Variants in DGKB observed in about 807,000 individuals in gnomAD.
The protein encoded by DGKB is 90 kDa diacylglycerol kinase.
A neutral mutation model predicts 114.3 loss-of-function variants in DGKB; 67 were observed. That is an observed-to-expected ratio of 0.59 (90% CI 0.48 to 0.72). The LOEUF (loss-of-function observed/expected upper bound fraction) is 0.72. Ranked by LOEUF, DGKB falls within the 30% of genes least tolerant of loss-of-function variation. The probability of loss-of-function intolerance (pLI) is 0.00; values close to 1 mark genes in which losing one functional copy is unlikely to be tolerated. For missense variants in DGKB, 907 were observed against 975.2 expected (o/e 0.93, Z 0.93); for synonymous variants, 398 against 323.1 (o/e 1.23, Z -2.49).
intron 20 of DGKB, among the ~76,000 whole-genome samples, chr7:14,478,532 G>T (rs925540826): frequency 6.6e-6 from 1 of 151,966 alleles, no homozygotes; most frequent in Admixed American, 6.6e-5. Context: ...CATGTTCAAC[G>T]TATGTTGAAG....
chr7:14,808,390 A>C (rs1025460292), intron 2 of DGKB, among the ~76,000 whole-genome samples: 1 of 152,070 alleles, frequency 6.6e-6, no homozygotes, highest in African/African-American at 2.4e-5. Flanking sequence ...AAAATATCCC[A>C]AACTATTCAA....
intron 2 of DGKB, among the ~76,000 whole-genome samples, chr7:14,790,491 C>T (rs1840516184): frequency 7.8e-6 from 1 of 128,020 alleles, no homozygotes; most frequent in African/African-American, 3.7e-5. Context: ...AATTTAGGCT[C>T]ATTTTTTTTG....
chr7:14,352,233 C>T (rs1288555276), intron 21 of DGKB, among the ~76,000 whole-genome samples: 1 of 152,026 alleles, frequency 6.6e-6, no homozygotes, highest in Non-Finnish European at 1.5e-5. Context: ...ATTACTTTTA[C>T]AGGACTAAAG....
intron 2 of DGKB, among the ~76,000 whole-genome samples, chr7:14,826,040 A>G (rs1054929497): frequency 6.6e-6 from 1 of 152,124 alleles, no homozygotes; most frequent in African/African-American, 2.4e-5. Flanking sequence ...CTGCTGCCTG[A>G]GGCAGCCTAT....
At chr7:14,512,705 T>C (rs1002183844) in intron 20 of DGKB, among the ~76,000 whole-genome samples, 3 of 152,206 alleles carry the variant, frequency 2.0e-5, no homozygotes, top group South Asian at 4.1e-4. Flanking sequence ...AACACCTTTT[T>C]TTCTCTACTA....
At chr7:14,591,516 G>T (rs1218697900) in intron 17 of DGKB, among the ~76,000 whole-genome samples, 1 of 151,944 alleles carries the variant, frequency 6.6e-6, no homozygotes, top group African/African-American at 2.4e-5. Flanking sequence ...TATTATTTGG[G>T]TTTAGCAGCC....
rs79057115 is a variant in DGKB, at chr7:14,974,253, G to A, written c.-188+443C>T. On this transcript the variant is annotated intron_variant, in intron 1 of 4. Coordinates refer to the DGKB transcript ENST00000437998. The stretch of plus-strand genomic sequence containing the variant: ...TTGTGATGACTAATATTTTCTTTCT[G>A]TGGTTATAACACACTGCGTTTATTT... 1.0e-2 allele frequency among the ~76,000 whole-genome samples: 1,518 copies of A among 152,108 alleles called. 12 individuals carry two copies. The highest frequency in any genetic ancestry group is 0.041 in the Middle Eastern group (12 of 294).
intron 20 of DGKB, among the ~76,000 whole-genome samples, chr7:14,569,242 A>G (rs1415383306): frequency 6.6e-6 from 1 of 152,106 alleles, no homozygotes; most frequent in African/African-American, 2.4e-5. Context: ...TCCTCTCTTT[A>G]TCCCCCTAAT....
At chr7:14,912,446 T>C (rs773005875) in intron 1 of DGKB, among the ~76,000 whole-genome samples, 11 of 151,728 alleles carry the variant, frequency 7.2e-5, no homozygotes, top group Non-Finnish European at 1.3e-4. Flanking sequence ...GAGGAATGAG[T>C]TCACTGGGGG....
intron 21 of DGKB, among the ~76,000 whole-genome samples, chr7:14,422,099 C>T (rs548073212): frequency 6.6e-6 from 1 of 151,950 alleles, no homozygotes; most frequent in Non-Finnish European, 1.5e-5. Flanking sequence ...CAACTAATCT[C>T]CTTTATCAAT....
At chr7:14,562,192 T>A (rs1036281266) in intron 20 of DGKB, among the ~76,000 whole-genome samples, 7 of 152,308 alleles carry the variant, frequency 4.6e-5, no homozygotes, top group African/African-American at 1.7e-4. Context: ...TGCAGGTACA[T>A]AGAAGTCAAG....
intron 2 of DGKB, among the ~76,000 whole-genome samples, chr7:14,831,356 A>G (rs1338523422): frequency 6.6e-6 from 1 of 152,018 alleles, no homozygotes; most frequent in African/African-American, 2.4e-5. Context: ...ATGTTTCTGT[A>G]CATTTCACAA....
In DGKB at chr7:14,345,322, T is replaced by A. The variant is rs1403299025; in HGVS notation, c.1905A>T (p.Leu635=). The A allele has an allele frequency of 3.2e-6, 5 of 1,542,114 alleles. No individual in the cohort carries two copies. The highest frequency in any genetic ancestry group is 4.4e-6 in the Non-Finnish European group (5 of 1,140,956). The stretch of plus-strand genomic sequence containing the variant: ...TTACTTCTATTTCTACAGATTCATG[T>A]AGCTTCTTGCAGGTGGCTGAGAAAG... ...SETFSATCKK[L]HESVEIECDG... Residue 635 remains leucine (L), a synonymous_variant, in exon 22 of 26, where the codon CTA becomes CTT. Transcript: ENST00000402815.
At chr7:14,298,935 T>A (rs1051559927) in intron 23 of DGKB, among the ~76,000 whole-genome samples, 13 of 151,986 alleles carry the variant, frequency 8.6e-5, no homozygotes, top group African/African-American at 3.1e-4. Context: ...AGCAAACATA[T>A]GAAAAAAAGC....
At chr7:14,543,167 T>C (rs1793738975) in intron 20 of DGKB, among the ~76,000 whole-genome samples, 3 of 152,138 alleles carry the variant, frequency 2.0e-5, no homozygotes, top group Non-Finnish European at 4.4e-5. Context: ...AGAAAGACCA[T>C]GGCCAGGCAT....
At chr7:14,466,340 C>T (rs1017210486) in intron 21 of DGKB, among the ~76,000 whole-genome samples, 3 of 152,086 alleles carry the variant, frequency 2.0e-5, no homozygotes, top group Non-Finnish European at 4.4e-5. Context: ...AGGTGGATCA[C>T]GAGGTCAAGA....
chr7:14,635,458 T>C (rs908462516), intron 13 of DGKB, among the ~76,000 whole-genome samples: 1 of 151,138 alleles, frequency 6.6e-6, no homozygotes, highest in Non-Finnish European at 1.5e-5. Context: ...AGAACAAAAT[T>C]CTCTCTCTGT....
intron 23 of DGKB, among the ~76,000 whole-genome samples, chr7:14,189,046 A>C (rs1199426804): frequency 6.6e-6 from 1 of 152,222 alleles, no homozygotes; most frequent in East Asian, 1.9e-4. Flanking sequence ...GAGTGCTACA[A>C]ATGGAAACAA....
chr7:14,741,504 G>A (rs765661858), intron 4 of DGKB, among the ~76,000 whole-genome samples: 1 of 152,140 alleles, frequency 6.6e-6, no homozygotes, highest in African/African-American at 2.4e-5. Context: ...TGCCTAGTAT[G>A]TTGTTTTTGT....
Sources: gnomAD v4.1 joint callset for allele counts (sites outside exome capture counted in the v4.1 genomes callset) on GRCh38, gnomAD v4.1.1 for gene constraint, MANE v1.5 for transcripts, NCBI Gene and HGNC (gene_info 2026-07-23, HGNC 2026-07-21) for gene names.